The following USH2A variants were observed in gnomAD, a reference collection of about 807,000 sequenced individuals.
USH2A encodes Usher syndrome 2A (autosomal recessive, mild).
A neutral mutation model predicts 538.9 loss-of-function variants in USH2A; 443 were observed. That is an observed-to-expected ratio of 0.82 (90% CI 0.76 to 0.89). USH2A has a LOEUF of 0.89. USH2A is among the 40% of genes least tolerant of loss of function. The pLI, the probability that USH2A is intolerant of heterozygous loss-of-function variation, is 0.00. For missense variants in USH2A, 6,633 were observed against 6,324.8 expected, an observed-to-expected ratio of 1.05 and a Z score of -1.65; for synonymous variants, 2,413 against 2,273.5, an observed-to-expected ratio of 1.06 and a Z score of -1.75.
intron 25 of USH2A, 125 bp downstream of exon 25, chr1:216,084,573 T>C: frequency 1.0e-6 from 1 of 967,174 alleles, no homozygotes; most frequent in Non-Finnish European, 1.6e-6. Context: ...ACCATTGGAA[T>C]AACTAAGTAT....
At chr1:215,976,004 C>G (rs1212555966) in intron 35 of USH2A, among the ~76,000 whole-genome samples, 3 of 152,092 alleles carry the variant, frequency 2.0e-5, no homozygotes, top group African/African-American at 4.8e-5. Flanking sequence ...CCAGTGTTTT[C>G]TAGTTCTCCT....
At chr1:216,240,645 CTTT>C (rs1397557424) in intron 13 of USH2A, among the ~76,000 whole-genome samples, 2 of 151,828 alleles carry the variant, frequency 1.3e-5, no homozygotes, top group Non-Finnish European at 2.9e-5. Flanking sequence ...TCAAATCGTT[CTTT>C]ATGTTTAGAC....
intron 20 of USH2A, among the ~76,000 whole-genome samples, chr1:216,187,196 T>G (rs535524749): frequency 4.1e-4 from 62 of 152,064 alleles, no homozygotes; most frequent in Non-Finnish European, 8.1e-4. Flanking sequence ...TCTCATTTTC[T>G]ACCTTCCCAT....
At chr1:216,004,783 A>T (rs1330077248) in intron 32 of USH2A, among the ~76,000 whole-genome samples, 2 of 152,132 alleles carry the variant, frequency 1.3e-5, no homozygotes, top group Non-Finnish European at 2.9e-5. Flanking sequence ...AAGAGAAAAA[A>T]ATTGCTGGAG....
chr1:216,327,290 C>T (rs2037752710), intron 5 of USH2A, among the ~76,000 whole-genome samples: 1 of 152,070 alleles, frequency 6.6e-6, no homozygotes, highest in African/African-American at 2.4e-5. Flanking sequence ...GAAACTACCT[C>T]ATATAGAAAA....
chr1:215,784,431 C>T (rs1276922022), intron 52 of USH2A, among the ~76,000 whole-genome samples: 2 of 152,174 alleles, frequency 1.3e-5, no homozygotes, highest in Non-Finnish European at 2.9e-5. Context: ...TCTGTATCCT[C>T]AAGCCCACAT....
chr1:216,343,368 C>A, intron 4 of USH2A, among the ~76,000 whole-genome samples: 2 of 112,118 alleles, frequency 1.8e-5, no homozygotes, highest in African/African-American at 8.0e-5. Context: ...AGAACCATCT[C>A]TACAAAAAAA....
At chr1:216,010,004 A>G (rs1490392269) in intron 32 of USH2A, among the ~76,000 whole-genome samples, 1 of 152,140 alleles carries the variant, frequency 6.6e-6, no homozygotes, top group Non-Finnish European at 1.5e-5. Flanking sequence ...GACCCTAAAA[A>G]GTCAAAAGGC....
At chr1:216,219,110 A>G (rs930983360) in intron 14 of USH2A, among the ~76,000 whole-genome samples, 1 of 152,076 alleles carries the variant, frequency 6.6e-6, no homozygotes, top group African/African-American at 2.4e-5. Flanking sequence ...CTTATTTTAC[A>G]TACAGTACAT....
chr1:215,729,779 T>TA (rs1261724310), intron 60 of USH2A, among the ~76,000 whole-genome samples: 1 of 152,140 alleles, frequency 6.6e-6, no homozygotes, highest in Non-Finnish European at 1.5e-5. Flanking sequence ...TACAGATGTG[T>TA]GCTACTAGGC....
At chr1:215,628,331 G>A (rs1417399711) in intron 71 of USH2A, among the ~76,000 whole-genome samples, 1 of 152,006 alleles carries the variant, frequency 6.6e-6, no homozygotes, top group African/African-American at 2.4e-5. Flanking sequence ...CACCCAGGCT[G>A]GAGTGCAGTG....
At chr1:215,778,095 A>G (rs1488216554) in intron 55 of USH2A, among the ~76,000 whole-genome samples, 1 of 148,576 alleles carries the variant, frequency 6.7e-6, no homozygotes, top group Non-Finnish European at 1.5e-5. Context: ...TCTGTTGCCC[A>G]GGCTGGAGTG....
At chr1:215,969,223 A>C (rs182148236) in intron 36 of USH2A, among the ~76,000 whole-genome samples, 3,189 of 152,324 alleles carry the variant, frequency 0.021, 64 homozygotes, top group South Asian at 0.082. Flanking sequence ...TACAGCATAA[A>C]GAAAAGTACC....
intron 9 of USH2A, among the ~76,000 whole-genome samples, chr1:216,305,280 T>C (rs1296366046): frequency 6.6e-6 from 1 of 152,182 alleles, no homozygotes; most frequent in Non-Finnish European, 1.5e-5. Context: ...TCCCTCTTTG[T>C]TAACTGCTGT....
At chr1:215,916,634 TG>T (rs1427642878) in intron 38 of USH2A, among the ~76,000 whole-genome samples, 1 of 152,064 alleles carries the variant, frequency 6.6e-6, no homozygotes, top group Non-Finnish European at 1.5e-5. Context: ...AAATGAAAAA[TG>T]GTTCCCATGT....
intron 50 of USH2A, among the ~76,000 whole-genome samples, chr1:215,796,836 C>T (rs11586954): frequency 0.057 from 5,637 of 98,182 alleles, 157 homozygotes; most frequent in East Asian, 0.18. Context: ...AGGAACAGTT[C>T]TTGAAGAAAA....
At chr1:216,393,843 T>A (rs1294340678) in intron 3 of USH2A, among the ~76,000 whole-genome samples, 2 of 152,112 alleles carry the variant, frequency 1.3e-5, no homozygotes, top group Non-Finnish European at 2.9e-5. Flanking sequence ...ATGACACTGT[T>A]AAAATATTGA....
chr1:216,202,468 A>G (rs1233315375), intron 16 of USH2A, among the ~76,000 whole-genome samples: 1 of 152,244 alleles, frequency 6.6e-6, no homozygotes, highest in Non-Finnish European at 1.5e-5. Context: ...TTAATGATCC[A>G]TAACAAAAAA....
At chr1:216,043,787 A>G (rs548816468) in intron 32 of USH2A, among the ~76,000 whole-genome samples, 2 of 152,232 alleles carry the variant, frequency 1.3e-5, no homozygotes, top group Admixed American at 1.3e-4. Flanking sequence ...CATTTTGGAA[A>G]GAGTCAAGGC....
Sources: gnomAD v4.1 joint callset for allele counts (sites outside exome capture counted in the v4.1 genomes callset) on GRCh38, gnomAD v4.1.1 for gene constraint, MANE v1.5 for transcripts, NCBI Gene and HGNC (gene_info 2026-07-23, HGNC 2026-07-21) for gene names.